PRAME: variants seen among roughly 807,000 people sequenced by gnomAD.
The protein encoded by PRAME is melanoma antigen preferentially expressed in tumors.
PRAME carries 21 observed loss-of-function variants against 32.1 expected under a neutral mutation model. The ratio of observed to expected loss-of-function variants is 0.65; its 90% CI spans 0.46 to 0.94. PRAME has a LOEUF of 0.94. PRAME is among the 40% of genes least tolerant of loss of function. PRAME has a pLI of 0.00. For missense variants in PRAME, 651 were observed against 622.3 expected (o/e 1.05, Z -0.49); for synonymous variants, 274 against 251.5 (o/e 1.09, Z -0.85).
Position 22,559,186 on chromosome 22 carries a change from T to C in PRAME, c.-329A>G. On this transcript the variant is annotated 5_prime_UTR_variant, in exon 1 of 6. Coordinates refer to ENST00000405655, the MANE Select transcript of PRAME (RefSeq NM_206956.3). ...TCGCCAATACAGACCTGTTGACAGG[T>C]CACGCCTGGGAAGCGGGTGGGGTGT... 1 of 285,266 alleles carries C rather than the reference T, an allele frequency of 3.5e-6. No individual in the cohort carries two copies. Among genetic ancestry groups the C allele is most frequent in the Non-Finnish European group, 6.8e-6 (1 of 147,308 alleles). 17.7% of individuals were successfully genotyped at this position (285,266 alleles called of 1,614,324 possible).
At chr22:22,555,356 C>T (rs190667280) in intron 3 of PRAME, among the ~76,000 whole-genome samples, 183 of 151,928 alleles carry the variant, frequency 1.2e-3, no homozygotes, top group African/African-American at 4.1e-3. Flanking sequence ...CCTGCCTCAG[C>T]CTCCCAAGTA....
intron 4 of PRAME, among the ~76,000 whole-genome samples, 177 bp downstream of exon 4, chr22:22,550,590 T>A (rs370066504): frequency 8.8e-4 from 134 of 151,952 alleles, no homozygotes; most frequent in African/African-American, 3.0e-3. Flanking sequence ...CAGTGCCCCA[T>A]GTCCAGAAGC....
rs559775887 is a variant in PRAME at position 22,559,207 on chromosome 22, G to C, written c.-350C>G. The C allele has an allele frequency of 3.4e-6, 1 of 291,578 alleles. No individual in the cohort carries two copies. The highest frequency in any genetic ancestry group is 2.9e-5 in the South Asian group (1 of 34,228). 18.1% of individuals were successfully genotyped at this position (291,578 alleles called of 1,614,324 possible). On this transcript the variant is annotated 5_prime_UTR_variant, in exon 1 of 6. Coordinates refer to ENST00000405655, the MANE Select transcript of PRAME (RefSeq NM_206956.3). ...CAGGTCACGCCTGGGAAGCGGGTGG[G>C]GTGTCCCGGAGCGGTGCTGAGGCGC...
chr22:22,555,923 G>A (rs769310821), intron 3 of PRAME: 63 of 470,110 alleles, frequency 1.3e-4, no homozygotes, highest in Middle Eastern at 6.5e-4. Flanking sequence ...GGGCTTTTGC[G>A]TCTGATTACC....
intron 3 of PRAME, chr22:22,553,688 G>T: frequency 1.6e-6 from 1 of 618,502 alleles, no homozygotes; most frequent in Non-Finnish European, 2.0e-6. Flanking sequence ...GGGATAGAGA[G>T]TAATATTGGT....
intron 3 of PRAME, chr22:22,552,898 C>T: frequency 2.1e-6 from 1 of 470,804 alleles, no homozygotes; most frequent in Non-Finnish European, 4.4e-6. Flanking sequence ...CTCCTCTGGC[C>T]CCTCTGAAGC....
intron 3 of PRAME, 135 bp from the exon 4 acceptor site, chr22:22,551,224 A>C: frequency 1.2e-5 from 9 of 737,990 alleles, no homozygotes; most frequent in East Asian, 2.8e-5. Flanking sequence ...TTCTCAGTTT[A>C]CCCCGATTCC....
At position 22,550,111 on chromosome 22, in the gene PRAME, C is replaced by T; in HGVS notation, c.568G>A (p.Glu190Lys). The stretch of plus-strand genomic sequence containing the variant: ...TTCTCAATGAGGTAGGAGAACAATT[C>T]ATCACAGGCACCTTCCTTGAGGAAC... ...DLFLKEGACDELFSYLIEKVK... is the reference protein window; with the variant it reads ...DLFLKEGACDKLFSYLIEKVK... Residue 190 changes from glutamate to lysine, a missense_variant, in exon 5 of 6, where the codon GAA becomes AAA. Transcript: ENST00000405655. 3 of 1,613,946 alleles carry T rather than the reference C, an allele frequency of 1.9e-6. No homozygotes were observed. Among genetic ancestry groups the T allele is most frequent in the Non-Finnish European group, 1.7e-6 (2 of 1,179,986 alleles).
In PRAME at chr22:22,559,047, C is replaced by G. The variant is rs990233146; in HGVS notation, c.-190G>C. 5.6e-6 allele frequency: 1 copy of G among 177,444 alleles called. No individual in the cohort carries two copies. The highest frequency in any genetic ancestry group is 1.2e-5 in the Non-Finnish European group (1 of 86,058). 11.0% of individuals were successfully genotyped at this position (177,444 alleles called of 1,614,324 possible). ...TTCTGAGGCCCGCGCATGCTCCCCT[C>G]GACTCCCCGTGTTTCCACTCTCCAC... is the stretch of plus-strand genomic sequence containing the variant. On this transcript the variant is annotated 5_prime_UTR_variant, in exon 1 of 6. Coordinates refer to ENST00000405655, the MANE Select transcript of PRAME (RefSeq NM_206956.3).
rs1376750703 is a variant in PRAME at position 22,559,205 on chromosome 22, G to C, written c.-348C>G. ...GACAGGTCACGCCTGGGAAGCGGGT[G>C]GGGTGTCCCGGAGCGGTGCTGAGGC... On this transcript the variant is annotated 5_prime_UTR_variant, in exon 1 of 6. Coordinates refer to ENST00000405655, the MANE Select transcript of PRAME (RefSeq NM_206956.3). The C allele has an allele frequency of 3.4e-6, 1 of 291,334 alleles. No homozygotes were observed. The highest frequency in any genetic ancestry group is 2.4e-5 in the African/African-American group (1 of 42,308). 18.0% of individuals were successfully genotyped at this position (291,334 alleles called of 1,614,324 possible). A position where few individuals can be genotyped will look rare whatever the true frequency, so the allele number is the denominator to read the frequency against.
rs1051562052 is a variant in PRAME, at chr22:22,547,967, T to C, written c.*100A>G. The C allele has an allele frequency of 5.5e-6, 7 of 1,281,352 alleles. No individual in the cohort carries two copies. Among genetic ancestry groups the C allele is most frequent in the African/African-American group, 3.0e-5 (2 of 67,142 alleles). 79.4% of individuals were successfully genotyped at this position (1,281,352 alleles called of 1,614,324 possible). ...ATGTTTTCCTCACTCACACTGAACA[T>C]TTGTCTGAAACTGTGGCTGCTTTGT... On this transcript the variant is annotated 3_prime_UTR_variant, in exon 6 of 6. Transcript: ENST00000405655.
At chr22:22,548,676 A>G in intron 5 of PRAME, 33 bp from the exon 6 acceptor site, 10 of 1,519,880 alleles carry the variant, frequency 6.6e-6, no homozygotes, top group Non-Finnish European at 8.9e-6. Context: ...GTGCTGGGGA[A>G]TGGTGGTAGT....
At position 22,556,926 on chromosome 22, in the gene PRAME, A is replaced by G. The variant is rs1233533042; in HGVS notation, c.-77-17T>C. On this transcript the variant is annotated splice_polypyrimidine_tract_variant and intron_variant, in intron 2 of 5. Transcript: ENST00000405655. ...CACGCACGTCTGAGAGTAATAATCA[A>G]AATGCTCCAAAAAGAAGAATACATG... The G allele has an allele frequency of 6.8e-6, 10 of 1,481,404 alleles. No homozygotes were observed. In the Admixed American group the frequency reaches 1.0e-4, roughly 15 times the overall value. 91.8% of individuals were successfully genotyped at this position (1,481,404 alleles called of 1,614,324 possible).
chr22:22,556,944 A>G (rs2283799), intron 2 of PRAME, 35 bp from the exon 3 acceptor site: 832,769 of 1,360,108 alleles, frequency 0.61, 258,332 homozygotes, highest in East Asian at 0.76. Flanking sequence ...CAAAAAGAAG[A>G]ATACATGTAT....
chr22:22,555,616 A>G (rs1284488418), intron 3 of PRAME, among the ~76,000 whole-genome samples: 1 of 151,728 alleles, frequency 6.6e-6, no homozygotes, highest in African/African-American at 2.4e-5. Flanking sequence ...TGATCCACCC[A>G]TTTCAGCCTC....
intron 3 of PRAME, chr22:22,554,004 G>T (rs1385570630): frequency 1.2e-5 from 12 of 985,060 alleles, no homozygotes; most frequent in South Asian, 9.4e-5. Context: ...CAGGTACAGA[G>T]ATTCTGGTCA....
intron 3 of PRAME, chr22:22,555,864 G>A (rs1428603353): frequency 2.1e-6 from 1 of 470,928 alleles, no homozygotes; most frequent in Admixed American, 2.4e-5. Flanking sequence ...ATGGGGCAGT[G>A]AGATCAAAGC....
At position 22,551,063 on chromosome 22, in the gene PRAME, G is replaced by A. The variant is rs1407666788; in HGVS notation, c.48C>T (p.Ser16=). The change falls in exon 4 of 6, where the codon AGC becomes AGT. Residue 16 remains serine, a synonymous_variant. Coordinates refer to ENST00000405655, the MANE Select transcript of PRAME (RefSeq NM_206956.3). ...TCCGTGGGCTTGTCCACACACTCAT[G>A]CTGATGTATCGGCTCTGAATGGAAC... ...LWGSIQSRYI[S]MSVWTSPRRL... 1 of 1,595,252 alleles carries A rather than the reference G, an allele frequency of 6.3e-7. No homozygotes were observed. Among genetic ancestry groups the A allele is most frequent in the Non-Finnish European group, 8.6e-7 (1 of 1,167,668 alleles).
intron 3 of PRAME, among the ~76,000 whole-genome samples, chr22:22,552,405 CAA>C (rs10709082): frequency 0.27 from 32,949 of 121,812 alleles, 5,905 homozygotes; most frequent in East Asian, 0.55. Flanking sequence ...TTTTATTTTC[CAA>C]AAAAAAAAAA....
Sources: gnomAD v4.1 joint callset for allele counts (sites outside exome capture counted in the v4.1 genomes callset) on GRCh38, gnomAD v4.1.1 for gene constraint, MANE v1.5 for transcripts, NCBI Gene and HGNC (gene_info 2026-07-23, HGNC 2026-07-21) for gene names.